GPATCH2: variants seen among roughly 807,000 people sequenced by gnomAD.
GPATCH2 encodes the protein G-patch domain containing 2, also known as G patch domain-containing protein 2.
A neutral mutation model predicts 58.0 loss-of-function variants in GPATCH2; 51 were observed. That is an observed-to-expected ratio of 0.88 (90% CI 0.70 to 1.11). The LOEUF (loss-of-function observed/expected upper bound fraction) is 1.11. Among genes scored for constraint, GPATCH2 ranks in the 50% most tolerant of loss-of-function variants. The pLI, the probability that GPATCH2 is intolerant of heterozygous loss-of-function variation, is 0.00. For missense variants in GPATCH2, 625 were observed against 652.2 expected (o/e 0.96, Z 0.45); for synonymous variants, 222 against 218.5 (o/e 1.02, Z -0.14).
intron 8 of GPATCH2, among the ~76,000 whole-genome samples, chr1:217,487,649 C>T (rs1156472239): frequency 1.3e-5 from 2 of 152,134 alleles, no homozygotes; most frequent in Non-Finnish European, 2.9e-5. Context: ...TGATCTCCAA[C>T]TCCTGACCTC....
chr1:217,584,344 A>AAAAAAAAAAAATATATATAT (rs1463910405), intron 5 of GPATCH2, among the ~76,000 whole-genome samples: 52 of 101,790 alleles, frequency 5.1e-4, no homozygotes, highest in Admixed American at 7.1e-4. Context: ...AAAAAAAAAA[A>AAAAAAAAAAAATATATATAT]ATATATATAT....
intron 6 of GPATCH2, among the ~76,000 whole-genome samples, chr1:217,514,474 T>G (rs1308505553): frequency 6.6e-6 from 1 of 152,190 alleles, no homozygotes; most frequent in Non-Finnish European, 1.5e-5. Context: ...CTCTTCATTT[T>G]AGTATTTTAG....
chr1:217,526,656 A>G (rs1663922882), intron 5 of GPATCH2, among the ~76,000 whole-genome samples: 1 of 152,216 alleles, frequency 6.6e-6, no homozygotes, highest in Non-Finnish European at 1.5e-5. Flanking sequence ...TCACAGTCAG[A>G]CTGTCATATT....
chr1:217,503,275 T>C (rs1662392056), intron 6 of GPATCH2, among the ~76,000 whole-genome samples: 1 of 151,978 alleles, frequency 6.6e-6, no homozygotes, highest in Non-Finnish European at 1.5e-5. Flanking sequence ...TCCAGAGAAG[T>C]TTCTAAAAAG....
chr1:217,568,450 A>T (rs2102710554), intron 5 of GPATCH2, among the ~76,000 whole-genome samples: 1 of 152,266 alleles, frequency 6.6e-6, no homozygotes, highest in South Asian at 2.1e-4. Flanking sequence ...CACAATAAAA[A>T]CACACAGACC....
At chr1:217,480,146 C>T (rs939223933) in intron 8 of GPATCH2, among the ~76,000 whole-genome samples, 3 of 152,028 alleles carry the variant, frequency 2.0e-5, no homozygotes, top group African/African-American at 7.2e-5. Flanking sequence ...AATGGGATCA[C>T]GTCAAATTAA....
intron 5 of GPATCH2, among the ~76,000 whole-genome samples, chr1:217,524,939 A>AG (rs1336815523): frequency 1.6e-5 from 1 of 64,204 alleles, no homozygotes; most frequent in Admixed American, 1.9e-4. Context: ...GAGAGGGGAG[A>AG]GGGAGATTTC....
intron 5 of GPATCH2, among the ~76,000 whole-genome samples, chr1:217,571,889 T>G (rs1373424257): frequency 6.8e-6 from 1 of 146,432 alleles, no homozygotes; most frequent in Non-Finnish European, 1.5e-5. Context: ...CCACAAGAGA[T>G]TCTGAGAAAC....
intron 5 of GPATCH2, among the ~76,000 whole-genome samples, chr1:217,584,374 C>CACACAA (rs1667239803): frequency 8.0e-6 from 1 of 125,536 alleles, no homozygotes; most frequent in African/African-American, 2.9e-5. Context: ...TACACACACA[C>CACACAA]AAAAATTAGC....
intron 5 of GPATCH2, among the ~76,000 whole-genome samples, chr1:217,565,214 C>T (rs1558488312): frequency 6.6e-6 from 1 of 152,080 alleles, no homozygotes; most frequent in Non-Finnish European, 1.5e-5. Context: ...TTCCTTTAGT[C>T]CAACGCTTAA....
chr1:217,568,071 C>T (rs1210825523), intron 5 of GPATCH2, among the ~76,000 whole-genome samples: 1 of 152,060 alleles, frequency 6.6e-6, no homozygotes, highest in East Asian at 1.9e-4. Context: ...GAGCCGAGAT[C>T]GTGCCACTGC....
chr1:217,519,446 T>TAA (rs1179299988), intron 5 of GPATCH2, among the ~76,000 whole-genome samples: 1 of 152,220 alleles, frequency 6.6e-6, no homozygotes, highest in Non-Finnish European at 1.5e-5. Context: ...TCAAGGAACA[T>TAA]AAATTGGATA....
intron 5 of GPATCH2, among the ~76,000 whole-genome samples, chr1:217,541,139 C>T (rs1021293074): frequency 1.3e-5 from 2 of 152,146 alleles, no homozygotes; most frequent in Non-Finnish European, 2.9e-5. Flanking sequence ...GGTTAAGGTC[C>T]GTGAGCTCCT....
At chr1:217,564,031 C>A (rs1298486528) in intron 5 of GPATCH2, among the ~76,000 whole-genome samples, 1 of 69,306 alleles carries the variant, frequency 1.4e-5, no homozygotes, top group African/African-American at 5.9e-5. Context: ...GCAACAACAG[C>A]AAAACTCCGT....
At chr1:217,507,056 G>A (rs1662598073) in intron 6 of GPATCH2, among the ~76,000 whole-genome samples, 1 of 152,158 alleles carries the variant, frequency 6.6e-6, no homozygotes, top group Non-Finnish European at 1.5e-5. Flanking sequence ...AGTAATGTGA[G>A]AACCACAACA....
chr1:217,511,153 T>C (rs1004159352), intron 6 of GPATCH2, among the ~76,000 whole-genome samples: 4 of 151,906 alleles, frequency 2.6e-5, no homozygotes, highest in African/African-American at 9.7e-5. Flanking sequence ...TTAGAAACTA[T>C]ATACCTAAAT....
intron 5 of GPATCH2, among the ~76,000 whole-genome samples, chr1:217,568,000 C>G (rs1443295749): frequency 6.6e-6 from 1 of 152,080 alleles, no homozygotes; most frequent in Non-Finnish European, 1.5e-5. Context: ...GCCTGCAGTC[C>G]TAGCTACTCA....
At chr1:217,473,280 A>AGTGT (rs71166009) in intron 8 of GPATCH2, among the ~76,000 whole-genome samples, 7,103 of 142,238 alleles carry the variant, frequency 0.05, 172 homozygotes, top group Non-Finnish European at 0.064. Flanking sequence ...GGTTTAGTTC[A>AGTGT]GTGTGTGTGT....
intron 5 of GPATCH2, among the ~76,000 whole-genome samples, chr1:217,557,862 G>A (rs189288111): frequency 6.6e-6 from 1 of 152,218 alleles, no homozygotes; most frequent in East Asian, 1.9e-4. Flanking sequence ...AAACTTTTCA[G>A]TACATGACCA....
Sources: allele counts gnomAD v4.1 joint callset (sites outside exome capture counted in the v4.1 genomes callset), GRCh38; gene constraint gnomAD v4.1.1; transcripts MANE v1.5; gene names NCBI Gene and HGNC (gene_info 2026-07-23, HGNC 2026-07-21).